COL19A1: variants seen among roughly 807,000 people sequenced by gnomAD.
The protein encoded by COL19A1 is collagen type XIX alpha 1 chain, also known as collagen alpha-1(XIX) chain.
COL19A1 carries 159 observed loss-of-function variants against 190.2 expected under a neutral mutation model. That is an observed-to-expected ratio of 0.84 (90% CI 0.73 to 0.95). COL19A1 has a LOEUF of 0.95. COL19A1 is among the 40% of genes least tolerant of loss of function. The pLI, the probability that COL19A1 is intolerant of heterozygous loss-of-function variation, is 0.00. For synonymous variants in COL19A1, 509 were observed against 458.9 expected (o/e 1.11, Z -1.39); for missense variants, 1,418 against 1,431.9 (o/e 0.99, Z 0.16).
chr6:70,021,515 C>T (rs1019953379), intron 11 of COL19A1, among the ~76,000 whole-genome samples: 1 of 152,162 alleles, frequency 6.6e-6, no homozygotes, highest in Non-Finnish European at 1.5e-5. Context: ...TCTATTCACT[C>T]TAATAACTTA....
intron 2 of COL19A1, among the ~76,000 whole-genome samples, chr6:69,896,543 C>CAAAAAAAAAAAAAAAAAAAAAAAAAAA (rs61409385): frequency 1.4e-5 from 1 of 71,674 alleles, no homozygotes; most frequent in African/African-American, 6.0e-5. Flanking sequence ...GACTCCGTCT[C>CAAAAAAAAAAAAAAAAAAAAAAAAAAA]AAAAAAAAAA....
chr6:70,062,795 G>T (rs1314109070), intron 14 of COL19A1, among the ~76,000 whole-genome samples: 1 of 152,000 alleles, frequency 6.6e-6, no homozygotes, highest in African/African-American at 2.4e-5. Flanking sequence ...GATCTACCAA[G>T]CAAATGGAAA....
chr6:70,147,948 C>A (rs1786772333), intron 27 of COL19A1, among the ~76,000 whole-genome samples: 2 of 151,978 alleles, frequency 1.3e-5, no homozygotes, highest in South Asian at 4.2e-4. Flanking sequence ...TTTATGATAT[C>A]AGTAAAGGAT....
chr6:70,163,390 T>G lies in COL19A1; in HGVS notation c.2394T>G (p.Gly798=). ...TGHPGPTGAK[G]EKGSDGPPGK... Reference sequence around the variant, plus strand: ...ATCCTGGTCCCACAGGAGCAAAAGGTGAAAAGGTACAAAGGAAAAGCCTCA... The same window carrying G: ...ATCCTGGTCCCACAGGAGCAAAAGGGGAAAAGGTACAAAGGAAAAGCCTCA... Residue 798 remains glycine, a synonymous_variant, in exon 36 of 51, where the codon GGT becomes GGG. Transcript: ENST00000620364. 3.1e-6 allele frequency: 5 copies of G among 1,611,434 alleles called. No individual in the cohort carries two copies. Among genetic ancestry groups the G allele is most frequent in the Non-Finnish European group, 4.2e-6 (5 of 1,178,648 alleles).
intron 2 of COL19A1, among the ~76,000 whole-genome samples, chr6:69,887,574 G>A (rs929009751): frequency 6.6e-6 from 1 of 152,116 alleles, no homozygotes; most frequent in Admixed American, 6.6e-5. Context: ...TTTCACCAAG[G>A]TAGCCACTAC....
At chr6:70,056,839 CTCACTCAATTGCAAA>C (rs1353613828) in intron 14 of COL19A1, among the ~76,000 whole-genome samples, 1 of 151,974 alleles carries the variant, frequency 6.6e-6, no homozygotes, top group Non-Finnish European at 1.5e-5. Context: ...TTTTCAACAC[CTCACTCAATTGCAAA>C]TTGAGTGATA....
At chr6:70,045,333 A>G (rs1779852309) in intron 14 of COL19A1, among the ~76,000 whole-genome samples, 1 of 151,696 alleles carries the variant, frequency 6.6e-6, no homozygotes, top group African/African-American at 2.4e-5. Flanking sequence ...AAAAAAAAAA[A>G]AACTTTCTCC....
intron 17 of COL19A1, among the ~76,000 whole-genome samples, chr6:70,129,528 G>T (rs909543253): frequency 1.3e-5 from 2 of 152,190 alleles, no homozygotes; most frequent in African/African-American, 2.4e-5. Context: ...CATGCACATG[G>T]GTTGGTACAT....
At chr6:69,955,745 G>T (rs1213243051) in intron 9 of COL19A1, among the ~76,000 whole-genome samples, 1 of 151,978 alleles carries the variant, frequency 6.6e-6, no homozygotes, top group East Asian at 1.9e-4. Flanking sequence ...TTTGAAAAAT[G>T]AGTGGTTTAC....
chr6:70,120,990 T>C (rs76255725), intron 16 of COL19A1, among the ~76,000 whole-genome samples: 2,831 of 152,290 alleles, frequency 0.019, 86 homozygotes, highest in African/African-American at 0.064. Context: ...CTGTTTGATT[T>C]TGGCTAATCA....
Sources: gnomAD v4.1 joint callset for allele counts (sites outside exome capture counted in the v4.1 genomes callset) on GRCh38, gnomAD v4.1.1 for gene constraint, MANE v1.5 for transcripts, NCBI Gene and HGNC (gene_info 2026-07-23, HGNC 2026-07-21) for gene names.